The following ANKRD11 variants were observed in gnomAD, a reference collection of about 807,000 sequenced individuals.
ANKRD11 encodes the protein ankyrin repeat domain 11.
Under a neutral mutation model 195.7 loss-of-function variants are expected in ANKRD11, and 17 were observed. The ratio of observed to expected loss-of-function variants is 0.09; its 90% CI spans 0.06 to 0.13. The LOEUF (loss-of-function observed/expected upper bound fraction) is 0.13. Among genes scored for constraint, ANKRD11 ranks in the 10% least tolerant of loss-of-function variants. The probability of loss-of-function intolerance (pLI) is 1.00; values close to 1 mark genes in which losing one functional copy is unlikely to be tolerated. For missense variants in ANKRD11, 3,735 were observed against 3,566.1 expected, an observed-to-expected ratio of 1.05 and a Z score of -1.21; for synonymous variants, 1,953 against 1,528.1, an observed-to-expected ratio of 1.28 and a Z score of -6.49.
In ANKRD11 at chr16:89,422,576, C is replaced by T. The variant is rs1261391577; in HGVS notation, c.-144-4208G>A. Among the ~76,000 whole-genome samples, 7 of 152,164 alleles carry T rather than the reference C, an allele frequency of 4.6e-5. No individual in the cohort carries two copies. In the East Asian group the frequency reaches 7.7e-4, roughly 17 times the overall value. On this transcript the variant is annotated intron_variant, in intron 1 of 12. Coordinates refer to ENST00000301030, the MANE Select transcript of ANKRD11 (RefSeq NM_013275.6). ...AACACGATATTCGCGCTGACCCAAT[C>T]GCACCCCACCTCTTTCAACGCCCTG...
intron 2 of ANKRD11, among the ~76,000 whole-genome samples, chr16:89,322,330 G>C (rs1487606102): frequency 1.3e-5 from 2 of 152,240 alleles, no homozygotes; most frequent in Non-Finnish European, 2.9e-5. Context: ...ACAGTATGTT[G>C]ATAGAACAGG....
chr16:89,323,989 T>G, intron 2 of ANKRD11: 1 of 221,502 alleles, frequency 4.5e-6, no homozygotes, highest in South Asian at 5.6e-5. Context: ...ATTCACAGGT[T>G]CAAACCAAAC....
chr16:89,276,452 C>G (rs975823747), intron 9 of ANKRD11, among the ~76,000 whole-genome samples: 2 of 152,222 alleles, frequency 1.3e-5, no homozygotes, highest in African/African-American at 2.4e-5. Context: ...ACGGGCCTGA[C>G]CAGGCCTCCA....
intron 1 of ANKRD11, among the ~76,000 whole-genome samples, chr16:89,456,340 G>A (rs1597464719): frequency 6.6e-6 from 1 of 151,936 alleles, no homozygotes; most frequent in East Asian, 1.9e-4. Context: ...CTTGAGGTCA[G>A]GAGTTCGAGA....
chr16:89,368,630 G>T (rs1376652890), intron 2 of ANKRD11, among the ~76,000 whole-genome samples: 1 of 150,932 alleles, frequency 6.6e-6, no homozygotes, highest in Non-Finnish European at 1.5e-5. Context: ...AAAAAGGGCT[G>T]GGTGCCATGG....
rs758526703 is a variant in ANKRD11 at position 89,283,321 on chromosome 16, T to C, written c.3221A>G (p.Lys1074Arg). 1.2e-6 allele frequency: 2 copies of C among 1,614,044 alleles called. No homozygotes were observed. Among genetic ancestry groups the C allele is most frequent in the South Asian group, 1.1e-5 (1 of 91,088 alleles). ...EKHKDTHGKD[K>R]ERKASLDQGK... ...TTGGTCGAGAGACGCTTTCCTTTCTTTGTCTTTGCCATGTGTGTCTTTATG... is the reference window on the plus strand; with the variant it reads ...TTGGTCGAGAGACGCTTTCCTTTCTCTGTCTTTGCCATGTGTGTCTTTATG... The change falls in exon 9 of 13, where the codon AAA becomes AGA. Residue 1074 changes from lysine (K) to arginine (R), a missense_variant. Lys to Arg is a conservative substitution (Grantham distance 26). Coordinates refer to ENST00000301030, the MANE Select transcript of ANKRD11 (RefSeq NM_013275.6). This position sits in a 1 kb window ranked among gnomAD's most constrained non-coding sequence, Gnocchi z 4.3.
intron 1 of ANKRD11, among the ~76,000 whole-genome samples, chr16:89,425,028 T>C (rs2042661820): frequency 6.6e-6 from 1 of 151,208 alleles, no homozygotes; most frequent in Non-Finnish European, 1.5e-5. Context: ...CTGGCCGAAG[T>C]GTACAAAGGG....
At chr16:89,354,648 G>A (rs1242270895) in intron 2 of ANKRD11, among the ~76,000 whole-genome samples, 1 of 152,216 alleles carries the variant, frequency 6.6e-6, no homozygotes, top group Non-Finnish European at 1.5e-5. Context: ...TTGGGAGGCC[G>A]AGGCAGGTGA....
chr16:89,332,809 A>G (rs374081794), intron 2 of ANKRD11, among the ~76,000 whole-genome samples: 54 of 152,346 alleles, frequency 3.5e-4, no homozygotes, highest in African/African-American at 1.1e-3. Flanking sequence ...GGTACAACTG[A>G]GAAAGCAAGC....
At chr16:89,456,380 C>G (rs955953325) in intron 1 of ANKRD11, among the ~76,000 whole-genome samples, 2 of 151,954 alleles carry the variant, frequency 1.3e-5, no homozygotes, top group Non-Finnish European at 2.9e-5. Flanking sequence ...AAAACCCTGT[C>G]TCTACTAAAA....
At chr16:89,419,669 G>A (rs1597349750) in intron 1 of ANKRD11, among the ~76,000 whole-genome samples, 1 of 152,204 alleles carries the variant, frequency 6.6e-6, no homozygotes. Flanking sequence ...GCAGCTCCCA[G>A]GACAGGGCTT....
intron 2 of ANKRD11, among the ~76,000 whole-genome samples, chr16:89,371,159 G>A (rs545961535): frequency 2.6e-5 from 4 of 152,264 alleles, no homozygotes; most frequent in African/African-American, 7.2e-5. Flanking sequence ...GCACGTAAGT[G>A]GCTGGTCCCA....
At chr16:89,363,892 C>T (rs928339597) in intron 2 of ANKRD11, among the ~76,000 whole-genome samples, 2 of 150,356 alleles carry the variant, frequency 1.3e-5, no homozygotes, top group Non-Finnish European at 3.0e-5. Flanking sequence ...CCTGTCTCTA[C>T]AAAAAAGAAA....
At chr16:89,407,336 G>A (rs377433184) in intron 2 of ANKRD11, among the ~76,000 whole-genome samples, 7 of 152,168 alleles carry the variant, frequency 4.6e-5, no homozygotes, top group African/African-American at 1.7e-4. Context: ...AGGAAAAGAT[G>A]AATAGATGAT....
chr16:89,405,630 G>A (rs781731373), intron 2 of ANKRD11, among the ~76,000 whole-genome samples: 5 of 151,678 alleles, frequency 3.3e-5, no homozygotes, highest in African/African-American at 7.3e-5. Context: ...CGCCATGCCC[G>A]GCTTTCTAGG....
intron 1 of ANKRD11, chr16:89,459,315 C>G: frequency 6.1e-6 from 1 of 163,908 alleles, no homozygotes; most frequent in East Asian, 1.8e-4. Context: ...AATTCAGACC[C>G]ATCTTCAAGT....
At chr16:89,410,825 G>C (rs1180757170) in intron 2 of ANKRD11, among the ~76,000 whole-genome samples, 1 of 152,234 alleles carries the variant, frequency 6.6e-6, no homozygotes, top group African/African-American at 2.4e-5. Flanking sequence ...TTAACAGAAG[G>C]GGGTGGGGAG....
At chr16:89,305,735 C>T (rs1292993224) in intron 3 of ANKRD11, among the ~76,000 whole-genome samples, 2 of 119,114 alleles carry the variant, frequency 1.7e-5, no homozygotes, top group Non-Finnish European at 3.4e-5. Flanking sequence ...TCCGCAGACA[C>T]GCGCCACCTA....
intron 2 of ANKRD11, among the ~76,000 whole-genome samples, chr16:89,339,334 T>C (rs2038540899): frequency 6.6e-6 from 1 of 151,748 alleles, no homozygotes; most frequent in African/African-American, 2.4e-5. Flanking sequence ...GAGGCCCAGG[T>C]TTGCTTGAAG....
Sources: allele counts gnomAD v4.1 joint callset (sites outside exome capture counted in the v4.1 genomes callset), GRCh38; gene constraint gnomAD v4.1.1; non-coding constraint Gnocchi (gnomAD v3.1); transcripts MANE v1.5; gene names NCBI Gene and HGNC (gene_info 2026-07-23, HGNC 2026-07-21).